COL6A6: variants seen among roughly 807,000 people sequenced by gnomAD.
COL6A6 encodes collagen alpha-6(VI) chain.
COL6A6 carries 183 observed loss-of-function variants against 208.6 expected under a neutral mutation model. The observed-to-expected ratio is 0.88, with a 90% CI of 0.78 to 0.99. The LOEUF is 0.99. Ranked by LOEUF, COL6A6 falls within the 50% of genes least tolerant of loss-of-function variation. The pLI is 0.00. For synonymous variants in COL6A6, 973 were observed against 1,011.8 expected, an observed-to-expected ratio of 0.96 and a Z score of 0.73; for missense variants, 2,816 against 2,815.2, an observed-to-expected ratio of 1.00 and a Z score of -0.01.
intron 20 of COL6A6, among the ~76,000 whole-genome samples, chr3:130,603,144 C>T (rs565444177): frequency 6.6e-6 from 1 of 152,296 alleles, no homozygotes; most frequent in South Asian, 2.1e-4. Context: ...TAGAAATAAA[C>T]TCAACTACAA....
intron 33 of COL6A6, among the ~76,000 whole-genome samples, chr3:130,657,544 A>G (rs536298893): frequency 1.3e-5 from 2 of 152,324 alleles, no homozygotes; most frequent in Middle Eastern, 3.4e-3. Flanking sequence ...CATAGCCGCT[A>G]TGATTGGCTA....
At position 130,566,793 on chromosome 3, in the gene COL6A6, C is replaced by G. The variant is rs2063035466; in HGVS notation, c.1374C>G (p.Phe458Leu). 3 of 1,613,868 alleles carry G rather than the reference C, an allele frequency of 1.9e-6. No homozygotes were observed. The highest frequency in any genetic ancestry group is 2.7e-5 in the African/African-American group (2 of 74,916). ...QATDFHEMKTFLSEVVGMFNI... is the reference protein window; with the variant it reads ...QATDFHEMKTLLSEVVGMFNI... Reference sequence around the variant, plus strand: ...CAGATTTCCATGAAATGAAGACGTTCCTGTCAGAGGTGGTAGGGATGTTCA... The same window carrying G: ...CAGATTTCCATGAAATGAAGACGTTGCTGTCAGAGGTGGTAGGGATGTTCA... Residue 458 changes from phenylalanine to leucine, a missense_variant, in exon 5 of 37, where the codon TTC (phenylalanine) becomes TTG (leucine). By Grantham distance (22) the Phe-to-Leu change is conservative. Coordinates refer to ENST00000358511, the MANE Select transcript of COL6A6 (RefSeq NM_001102608.3).
chr3:130,657,668 C>G (rs1363774329), intron 33 of COL6A6, among the ~76,000 whole-genome samples: 5 of 152,192 alleles, frequency 3.3e-5, no homozygotes, highest in Non-Finnish European at 7.3e-5. Flanking sequence ...ACTCAAAATA[C>G]AGAGGTGTCC....
At chr3:130,634,871 C>T (rs2065064172) in intron 27 of COL6A6, among the ~76,000 whole-genome samples, 1 of 152,046 alleles carries the variant, frequency 6.6e-6, no homozygotes, top group African/African-American at 2.4e-5. Flanking sequence ...AAAACTTATC[C>T]TTTTAAAATT....
intron 1 of COL6A6, among the ~76,000 whole-genome samples, chr3:130,543,427 C>T (rs1322021079): frequency 6.6e-6 from 1 of 152,122 alleles, no homozygotes; most frequent in Non-Finnish European, 1.5e-5. Flanking sequence ...TTTTTATCTT[C>T]CATTCTTTGT....
In COL6A6 at chr3:130,574,335, C is replaced by A; in HGVS notation, c.3357C>A (p.Ala1119=). 5 of 1,613,946 alleles carry A rather than the reference C, an allele frequency of 3.1e-6. No homozygotes were observed. The highest frequency in any genetic ancestry group is 4.2e-6 in the Non-Finnish European group (5 of 1,179,894). Residue 1119 remains alanine, a synonymous_variant, in exon 8 of 37, where the codon GCC becomes GCA. Coordinates refer to ENST00000358511, the MANE Select transcript of COL6A6 (RefSeq NM_001102608.3). ...LTDGQSQDEV[A]QAAEALRHRG... ...ATGGCCAGTCCCAAGACGAGGTGGCCCAGGCCGCGGAAGCCCTGAGACACA... is the reference window on the plus strand; with the variant it reads ...ATGGCCAGTCCCAAGACGAGGTGGCACAGGCCGCGGAAGCCCTGAGACACA...
At chr3:130,532,334 C>T (rs143525032) in intron 1 of COL6A6, among the ~76,000 whole-genome samples, 658 of 152,136 alleles carry the variant, frequency 4.3e-3, no homozygotes, top group African/African-American at 8.8e-3. Flanking sequence ...GTTTCTGTAC[C>T]CCCCCATCCC....
At chr3:130,534,371 A>C (rs1170116676) in intron 1 of COL6A6, among the ~76,000 whole-genome samples, 1 of 152,152 alleles carries the variant, frequency 6.6e-6, no homozygotes, top group Non-Finnish European at 1.5e-5. Flanking sequence ...CAGTGATTTC[A>C]TATTGATTCA....
intron 1 of COL6A6, among the ~76,000 whole-genome samples, chr3:130,524,841 G>T (rs1382544189): frequency 2.0e-5 from 3 of 152,190 alleles, no homozygotes; most frequent in South Asian, 2.1e-4. Context: ...TGAGAAAGGA[G>T]ATGTGCGCTG....
intron 1 of COL6A6, among the ~76,000 whole-genome samples, chr3:130,559,307 A>C (rs1038231162): frequency 1.3e-5 from 2 of 152,208 alleles, no homozygotes; most frequent in Non-Finnish European, 2.9e-5. Context: ...CTTGAATAGA[A>C]CTAATAAATT....
chr3:130,639,154 A>G (rs1374785362), intron 28 of COL6A6, among the ~76,000 whole-genome samples: 1 of 152,040 alleles, frequency 6.6e-6, no homozygotes, highest in African/African-American at 2.4e-5. Flanking sequence ...CGTTGAGTTT[A>G]TCTTACAGTG....
Position 130,645,084 on chromosome 3 carries a change from T to C in COL6A6, c.5239+82T>C, listed in dbSNP as rs761747679. 7 of 1,363,408 alleles carry C rather than the reference T, an allele frequency of 5.1e-6. No individual in the cohort carries two copies. The Admixed American group carries it at 8.4e-5, about 16-fold the overall frequency. The allele number at this position is 1,363,408 out of a possible 1,614,324, so 84.5% of individuals were successfully genotyped here. On this transcript the variant is annotated intron_variant, in intron 32 of 36. Transcript: ENST00000358511. Reference sequence around the variant, plus strand: ...GGAAAGATGAGTTAGAGCAATGTATTGGCTTCCAAATGACACAAATTTTAT... The same window carrying C: ...GGAAAGATGAGTTAGAGCAATGTATCGGCTTCCAAATGACACAAATTTTAT...
At chr3:130,645,250 A>G (rs535139163) in intron 32 of COL6A6, among the ~76,000 whole-genome samples, 3 of 152,316 alleles carry the variant, frequency 2.0e-5, no homozygotes, top group African/African-American at 7.2e-5. Flanking sequence ...AGATATTAAT[A>G]TCTTAATGAC....
chr3:130,604,651 C>A (rs1057073588), intron 20 of COL6A6, among the ~76,000 whole-genome samples: 7 of 152,152 alleles, frequency 4.6e-5, no homozygotes, highest in African/African-American at 1.7e-4. Context: ...ATTTTGTTCA[C>A]CACCACCCAG....
chr3:130,660,102 T>C (rs1489703019), intron 34 of COL6A6, among the ~76,000 whole-genome samples: 3 of 152,218 alleles, frequency 2.0e-5, no homozygotes, highest in Non-Finnish European at 4.4e-5. Context: ...AGTCAGAAGT[T>C]GCACATGTGT....
intron 1 of COL6A6, among the ~76,000 whole-genome samples, chr3:130,549,576 G>A (rs1164749274): frequency 5.3e-5 from 8 of 151,860 alleles, no homozygotes; most frequent in South Asian, 2.1e-4. Flanking sequence ...TTTGTATATC[G>A]TGTAAGGAAG....
Position 130,644,972 on chromosome 3 carries a change from C to A in COL6A6, c.5228-19C>A. Reference sequence around the variant, plus strand: ...TCCTACCAAATAATAATCCAATCTCCTTTGTTCTTCTTCCCCAGCTGGCAG... The same window carrying A: ...TCCTACCAAATAATAATCCAATCTCATTTGTTCTTCTTCCCCAGCTGGCAG... On this transcript the variant is annotated intron_variant, in intron 31 of 36. Transcript: ENST00000358511. 10 of 1,609,984 alleles carry A rather than the reference C, an allele frequency of 6.2e-6. No individual in the cohort carries two copies. Among genetic ancestry groups the A allele is most frequent in the Non-Finnish European group, 8.5e-6 (10 of 1,176,340 alleles).
At chr3:130,673,607 A>T (rs757759814) in intron 36 of COL6A6, among the ~76,000 whole-genome samples, 7 of 152,142 alleles carry the variant, frequency 4.6e-5, no homozygotes, top group African/African-American at 7.2e-5. Flanking sequence ...TGTTCTATGC[A>T]TACAATCGTC....
intron 28 of COL6A6, among the ~76,000 whole-genome samples, chr3:130,637,865 G>A (rs2065203040): frequency 6.6e-6 from 1 of 151,984 alleles, no homozygotes; most frequent in South Asian, 2.1e-4. Context: ...GTTTAAAGCA[G>A]GGTTTCTCCA....
Sources: allele counts gnomAD v4.1 joint callset (sites outside exome capture counted in the v4.1 genomes callset), GRCh38; gene constraint gnomAD v4.1.1; transcripts MANE v1.5; gene names NCBI Gene and HGNC (gene_info 2026-07-23, HGNC 2026-07-21).